Variants in SLC36A4 observed in about 807,000 individuals in gnomAD.
SLC36A4 encodes solute carrier family 36 member 4.
A neutral mutation model predicts 50.5 loss-of-function variants in SLC36A4; 49 were observed. The ratio of observed to expected loss-of-function variants is 0.97; its 90% CI spans 0.77 to 1.23. The LOEUF is 1.23. SLC36A4 is among the 50% of genes most tolerant of loss of function. The pLI, the probability that SLC36A4 is intolerant of heterozygous loss-of-function variation, is 0.00. For missense variants in SLC36A4, 611 were observed against 608.4 expected, an observed-to-expected ratio of 1.00 and a Z score of -0.05; for synonymous variants, 207 against 206.5, an observed-to-expected ratio of 1.00 and a Z score of -0.02.
chr11:93,192,941 G>A (rs1565242227), intron 1 of SLC36A4: 1 of 154,264 alleles, frequency 6.5e-6, no homozygotes, highest in African/African-American at 2.4e-5. Context: ...TGTATATGAA[G>A]TTATTATATA....
At chr11:93,179,330 T>C (rs978094852) in intron 6 of SLC36A4, among the ~76,000 whole-genome samples, 2 of 152,174 alleles carry the variant, frequency 1.3e-5, no homozygotes, top group Admixed American at 6.5e-5. Context: ...ACAAGAGATA[T>C]GGGAGTCCCT....
At chr11:93,183,704 ATTTT>A in intron 3 of SLC36A4, among the ~76,000 whole-genome samples, 1 of 144,936 alleles carries the variant, frequency 6.9e-6, no homozygotes, top group East Asian at 2.0e-4. Context: ...TTATTTATTT[ATTTT>A]TTTTTTTGAG....
intron 9 of SLC36A4, among the ~76,000 whole-genome samples, chr11:93,158,789 G>A (rs1291795144): frequency 2.6e-5 from 4 of 152,018 alleles, no homozygotes; most frequent in East Asian, 3.9e-4. Context: ...TTTGTACTAC[G>A]TTTTAGAAAT....
chr11:93,183,610 G>C (rs1353117718), intron 3 of SLC36A4, among the ~76,000 whole-genome samples: 1 of 151,900 alleles, frequency 6.6e-6, no homozygotes, highest in Non-Finnish European at 1.5e-5. Flanking sequence ...AAGGTTCTCT[G>C]CAATTATAAT....
intron 10 of SLC36A4, chr11:93,152,218 C>G (rs1029808559): frequency 6.6e-6 from 1 of 152,110 alleles, no homozygotes; most frequent in African/African-American, 2.4e-5. Context: ...AGCCTCCACT[C>G]TCATTGCTAG....
chr11:93,152,506 A>G (rs552010390), intron 10 of SLC36A4: 2 of 152,124 alleles, frequency 1.3e-5, no homozygotes, highest in South Asian at 2.1e-4. Flanking sequence ...CATATCCCAT[A>G]TATGGATGAG....
intron 9 of SLC36A4, chr11:93,160,159 T>C: frequency 1.0e-6 from 1 of 985,416 alleles, no homozygotes; most frequent in Non-Finnish European, 1.2e-6. Flanking sequence ...GCAACTCTTC[T>C]CTTGTATTCC....
intron 10 of SLC36A4, among the ~76,000 whole-genome samples, chr11:93,150,480 T>C (rs545590067): frequency 2.0e-5 from 3 of 152,072 alleles, no homozygotes; most frequent in Non-Finnish European, 4.4e-5. Context: ...CCAGAAGTTA[T>C]TATTTATCAT....
intron 1 of SLC36A4, among the ~76,000 whole-genome samples, chr11:93,190,462 T>G (rs1289499731): frequency 6.6e-6 from 1 of 152,208 alleles, no homozygotes; most frequent in Non-Finnish European, 1.5e-5. Context: ...TATTGTATGC[T>G]TATATCAAAA....
At chr11:93,152,360 T>G (rs927801033) in intron 10 of SLC36A4, 1 of 152,150 alleles carries the variant, frequency 6.6e-6, no homozygotes, top group Non-Finnish European at 1.5e-5. Context: ...AGTTTTGCCA[T>G]GAATATCAGT....
intron 1 of SLC36A4, among the ~76,000 whole-genome samples, chr11:93,190,495 C>A (rs957979017): frequency 6.6e-6 from 1 of 152,074 alleles, no homozygotes; most frequent in Non-Finnish European, 1.5e-5. Context: ...TCCACAAATA[C>A]GTACAATTAC....
intron 6 of SLC36A4, among the ~76,000 whole-genome samples, chr11:93,169,369 T>C (rs1304271417): frequency 6.6e-6 from 1 of 152,094 alleles, no homozygotes; most frequent in East Asian, 1.9e-4. Flanking sequence ...GACTCTAGAA[T>C]TAGCCTGACC....
At chr11:93,159,386 AT>A (rs1164023345) in intron 9 of SLC36A4, among the ~76,000 whole-genome samples, 3 of 152,134 alleles carry the variant, frequency 2.0e-5, no homozygotes, top group Non-Finnish European at 2.9e-5. Context: ...ATAACTTAAA[AT>A]TTTTTAAAAA....
chr11:93,187,236 C>T (rs12296063), intron 1 of SLC36A4, among the ~76,000 whole-genome samples: 1,907 of 152,160 alleles, frequency 0.013, 38 homozygotes, highest in African/African-American at 0.043. Context: ...TGTTCTTTTT[C>T]CTAGAGTTCC....
At chr11:93,158,169 T>C (rs1182994732) in intron 9 of SLC36A4, among the ~76,000 whole-genome samples, 1 of 152,144 alleles carries the variant, frequency 6.6e-6, no homozygotes, top group Non-Finnish European at 1.5e-5. Flanking sequence ...AGGTTACACA[T>C]AAATGGTCAA....
In SLC36A4 at chr11:93,197,840, G is replaced by A; in HGVS notation, c.-8C>T. The A allele has an allele frequency of 1.3e-6, 2 of 1,564,204 alleles. No homozygotes were observed. The highest frequency in any genetic ancestry group is 1.7e-5 in the Admixed American group (1 of 57,980). On this transcript the variant is annotated 5_prime_UTR_variant, in exon 1 of 11. Coordinates refer to ENST00000326402, the MANE Select transcript of SLC36A4 (RefSeq NM_152313.4). Reference sequence around the variant, plus strand: ...CGTCGCCGCCGCTTCCATCTCTCGCGGGTCTCCAGGACGCCGCCGCCCGAG... The same window carrying A: ...CGTCGCCGCCGCTTCCATCTCTCGCAGGTCTCCAGGACGCCGCCGCCCGAG...
Position 93,145,239 on chromosome 11 carries a change from A to G in SLC36A4, c.*3298T>C, listed in dbSNP as rs1347209487. 4 of 152,136 alleles carry G rather than the reference A, an allele frequency of 2.6e-5. No homozygotes were observed. The East Asian group carries it at 7.7e-4, about 29-fold the overall frequency. 9.4% of individuals were successfully genotyped at this position (152,136 alleles called of 1,614,324 possible). On this transcript the variant is annotated 3_prime_UTR_variant, in exon 11 of 11. Coordinates refer to ENST00000326402, the MANE Select transcript of SLC36A4 (RefSeq NM_152313.4). Reference sequence around the variant, plus strand: ...GAAACTACTAAGATTAGACACTGTTAGGAAATTCAAAACATGCACATTGAC... The same window carrying G: ...GAAACTACTAAGATTAGACACTGTTGGGAAATTCAAAACATGCACATTGAC...
At chr11:93,166,042 AC>A in intron 7 of SLC36A4, 26 bp from the exon 8 acceptor site, 2 of 1,522,212 alleles carry the variant, frequency 1.3e-6, no homozygotes, top group South Asian at 1.2e-5. Flanking sequence ...AAAAAAGAAG[AC>A]CAGTTACATC....
At chr11:93,155,940 T>C (rs2134635121) in intron 9 of SLC36A4, among the ~76,000 whole-genome samples, 1 of 152,370 alleles carries the variant, frequency 6.6e-6, no homozygotes, top group African/African-American at 2.4e-5. Context: ...TATTCCATGA[T>C]GTATATGTAC....
Sources: gnomAD v4.1 joint callset for allele counts (sites outside exome capture counted in the v4.1 genomes callset) on GRCh38, gnomAD v4.1.1 for gene constraint, MANE v1.5 for transcripts, NCBI Gene and HGNC (gene_info 2026-07-23, HGNC 2026-07-21) for gene names.